The following FSIP2 variants were observed in gnomAD, a reference collection of about 807,000 sequenced individuals.
FSIP2 encodes fibrous sheath-interacting protein 2.
In FSIP2, 367 loss-of-function variants were observed where a neutral mutation model predicts 510.5. The ratio of observed to expected loss-of-function variants is 0.72; its 90% confidence interval spans 0.66 to 0.78. FSIP2 has a LOEUF of 0.78. Ranked by LOEUF, FSIP2 falls within the 30% of genes least tolerant of loss-of-function variation. FSIP2 has a pLI of 0.00. For synonymous variants in FSIP2, 2,601 were observed against 2,732.2 expected (o/e 0.95, Z 1.50); for missense variants, 7,594 against 7,901.7 (o/e 0.96, Z 1.48).
In FSIP2 at chr2:185,806,559, G is replaced by A; in HGVS notation, c.17253G>A (p.Glu5751=). The A allele has an allele frequency of 2.5e-6, 4 of 1,603,638 alleles. No individual in the cohort carries two copies. The highest frequency in any genetic ancestry group is 1.1e-5 in the South Asian group (1 of 88,884). Residue 5751 remains glutamate (E), a synonymous_variant, in exon 17 of 23, where the codon GAG becomes GAA. Coordinates refer to ENST00000424728, the MANE Select transcript of FSIP2 (RefSeq NM_173651.4). The stretch of plus-strand genomic sequence containing the variant: ...CTGCCAAAGAAAAAGAAGAGGAAGA[G>A]AGAGAAAAAGAGAAAGTAAGAGAGG... ...NISAKEKEEE[E]REKEKVREEI... is the part of the protein sequence containing the mutation.
chr2:185,826,890 G>T (rs1354464122), intron 20 of FSIP2, among the ~76,000 whole-genome samples: 1 of 151,700 alleles, frequency 6.6e-6, no homozygotes, highest in Admixed American at 6.6e-5. Flanking sequence ...AAATTCAATG[G>T]AAAGATCAAG....
Position 185,788,662 on chromosome 2 carries a change from A to G in FSIP2, c.1526A>G (p.Asn509Ser), listed in dbSNP as rs1314482656. ...LQEKVTSEELNIIIQNVMTWV... is the reference protein window; with the variant it reads ...LQEKVTSEELSIIIQNVMTWV... ...TTCCAGGTAACTTCTGAAGAACTGA[A>G]TATTATAATTCAGAATGTAATGACC... is the stretch of plus-strand genomic sequence containing the variant. The change falls in exon 16 of 23, where the codon AAT (asparagine) becomes AGT (serine). Residue 509 changes from asparagine (N) to serine (S), a missense_variant. Transcript: ENST00000424728. The G allele has an allele frequency of 2.0e-6, 3 of 1,511,686 alleles. No individual in the cohort carries two copies. Among genetic ancestry groups the G allele is most frequent in the Non-Finnish European group, 8.8e-7 (1 of 1,137,296 alleles). The allele number at this position is 1,511,686 out of a possible 1,614,324, so 93.6% of individuals were successfully genotyped here.
At position 185,800,906 on chromosome 2, in the gene FSIP2, C is replaced by G. The variant is rs1308935344; in HGVS notation, c.11600C>G (p.Pro3867Arg). Residue 3867 changes from proline to arginine, a missense_variant, in exon 17 of 23, where the codon CCT (proline) becomes CGT (arginine). Coordinates refer to ENST00000424728, the MANE Select transcript of FSIP2 (RefSeq NM_173651.4). ...HSIQQAPESL[P>R]FANKHLNYRT... ...ATACAACAAGCTCCGGAAAGTCTACCTTTTGCAAATAAGCATTTGAACTAC... is the reference window on the plus strand; with the variant it reads ...ATACAACAAGCTCCGGAAAGTCTACGTTTTGCAAATAAGCATTTGAACTAC... 2.0e-6 allele frequency: 3 copies of G among 1,532,870 alleles called. No individual in the cohort carries two copies. The East Asian group carries it at 7.3e-5, about 38-fold the overall frequency. 95.0% of individuals were successfully genotyped at this position (1,532,870 alleles called of 1,614,324 possible). A position where few individuals can be genotyped will look rare whatever the true frequency, so the allele number is the denominator to read the frequency against.
intron 13 of FSIP2, among the ~76,000 whole-genome samples, chr2:185,779,607 T>C (rs1342850717): frequency 6.6e-6 from 1 of 152,130 alleles, no homozygotes; most frequent in Non-Finnish European, 1.5e-5. Context: ...CTTTATATCA[T>C]ACTTATTATT....
Position 185,805,172 on chromosome 2 carries a change from G to T in FSIP2, c.15866G>T (p.Cys5289Phe), listed in dbSNP as rs776661478. The T allele has an allele frequency of 1.2e-6, 2 of 1,610,038 alleles. No homozygotes were observed. The highest frequency in any genetic ancestry group is 8.5e-7 in the Non-Finnish European group (1 of 1,177,734). ...DIIIDLVHKF[C>F]SLLIITEDSK... ...ATCATTGACCTTGTTCACAAATTTT[G>T]TTCTCTCCTCATTATTACTGAAGAT... is the stretch of plus-strand genomic sequence containing the variant. The change falls in exon 17 of 23, where the codon TGT becomes TTT. Residue 5289 changes from cysteine to phenylalanine, a missense_variant. Transcript: ENST00000424728.
intron 13 of FSIP2, 84 bp from the exon 14 acceptor site, chr2:185,782,621 A>G: frequency 1.2e-6 from 1 of 823,326 alleles, no homozygotes; most frequent in South Asian, 1.4e-5. Flanking sequence ...GATAACAGAA[A>G]ATAAATACCT....
chr2:185,796,829 T>A lies in FSIP2; in HGVS notation c.9693T>A (p.Thr3231=). ...SEPTKRPDSE[T]MPSCSTRNKV... is the part of the protein sequence containing the mutation. ...CAACGAAAAGGCCTGATTCAGAAAC[T>A]ATGCCATCGTGTTCTACTAGAAACA... The change falls in exon 16 of 23, where the codon ACT becomes ACA. Residue 3231 remains threonine (T), a synonymous_variant. Transcript: ENST00000424728. The A allele has an allele frequency of 6.5e-7, 1 of 1,535,126 alleles. No homozygotes were observed. Among genetic ancestry groups the A allele is most frequent in the Non-Finnish European group, 8.7e-7 (1 of 1,146,284 alleles).
At chr2:185,788,589 A>G (rs1476385843) in intron 15 of FSIP2, 54 bp from the exon 16 acceptor site, 2 of 1,261,098 alleles carry the variant, frequency 1.6e-6, no homozygotes, top group East Asian at 5.2e-5. Context: ...TCTCCAAAAC[A>G]TAGAGTAAGT....
Position 185,795,648 on chromosome 2 carries a change from A to G in FSIP2, c.8512A>G (p.Lys2838Glu), listed in dbSNP as rs1405992797. 6.5e-7 allele frequency: 1 copy of G among 1,534,390 alleles called. No homozygotes were observed. Among genetic ancestry groups the G allele is most frequent in the Admixed American group, 2.0e-5 (1 of 50,846 alleles). Reference protein sequence around the residue: ...EHIFPREGIFKKLFDKWQTES... With the variant: ...EHIFPREGIFEKLFDKWQTES... ...CATTTTTCCTAGAGAAGGTATATTT[A>G]AAAAATTGTTTGACAAGTGGCAAAC... is the stretch of plus-strand genomic sequence containing the variant. Residue 2838 changes from lysine (K) to glutamate (E), a missense_variant, in exon 16 of 23, where the codon AAA becomes GAA. Lys to Glu is a moderately conservative substitution (Grantham distance 56). Transcript: ENST00000424728.
rs1483724759 is a variant in FSIP2, at chr2:185,790,737, T to C, written c.3601T>C (p.Ser1201Pro). The C allele has an allele frequency of 2.9e-5, 45 of 1,533,554 alleles. No homozygotes were observed. The highest frequency in any genetic ancestry group is 3.8e-5 in the Non-Finnish European group (44 of 1,145,256). 95.0% of individuals were successfully genotyped at this position (1,533,554 alleles called of 1,614,324 possible). ...CATTTCATCATCAGTTCATCAGATT[T>C]CCTTACATAATTCTGACACTGAACA... ...SSISSSVHQI[S>P]LHNSDTEHIV... Residue 1201 changes from serine to proline, a missense_variant, in exon 16 of 23, where the codon TCC (serine) becomes CCC (proline). Physicochemically the swap from Ser to Pro is moderately conservative, Grantham distance 74 (BLOSUM62 -1). Transcript: ENST00000424728.
rs940910325 is a variant in FSIP2, at chr2:185,802,934, T to G, written c.13628T>G (p.Leu4543Arg). ...FIYSEDDIQH[L>R]VDSVFANVVQ... ...TATTCAGAAGATGATATTCAGCACC[T>G]TGTTGATTCAGTATTTGCAAATGTT... Residue 4543 changes from leucine (L) to arginine (R), a missense_variant, in exon 17 of 23, where the codon CTT (leucine) becomes CGT (arginine). Physicochemically the swap from Leu to Arg is moderately radical, Grantham distance 102. Transcript: ENST00000424728. 4 of 1,514,532 alleles carry G rather than the reference T, an allele frequency of 2.6e-6. No individual in the cohort carries two copies. The African/African-American group carries it at 5.6e-5, about 21-fold the overall frequency. 93.8% of individuals were successfully genotyped at this position (1,514,532 alleles called of 1,614,324 possible).
At position 185,806,488 on chromosome 2, in the gene FSIP2, T is replaced by C. The variant is rs762548106; in HGVS notation, c.17182T>C (p.Ser5728Pro). The change falls in exon 17 of 23, where the codon TCT (serine) becomes CCT (proline). Residue 5728 changes from serine (S) to proline (P), a missense_variant. By Grantham distance (74) the Ser-to-Pro change is moderately conservative (BLOSUM62 -1). Coordinates refer to ENST00000424728, the MANE Select transcript of FSIP2 (RefSeq NM_173651.4). ...IQEISRDSAQ[S>P]VTTKKVSSST... ...AGAGATTAGCAGGGATTCGGCACAG[T>C]CTGTTACAACAAAAAAAGTATCCTC... 3.5e-5 allele frequency: 57 copies of C among 1,606,748 alleles called. No homozygotes were observed. The highest frequency in any genetic ancestry group is 4.6e-5 in the Non-Finnish European group (54 of 1,177,490).
Position 185,793,843 on chromosome 2 carries a change from A to G in FSIP2, c.6707A>G (p.Glu2236Gly), listed in dbSNP as rs1008176389. 7 of 1,531,960 alleles carry G rather than the reference A, an allele frequency of 4.6e-6. No homozygotes were observed. The Admixed American group carries it at 1.2e-4, about 26-fold the overall frequency. The allele number at this position is 1,531,960 out of a possible 1,614,324, so 94.9% of individuals were successfully genotyped here. A position where few individuals can be genotyped will look rare whatever the true frequency, so the allele number is the denominator to read the frequency against. The change falls in exon 16 of 23, where the codon GAA becomes GGA. Residue 2236 changes from glutamate to glycine, a missense_variant. By Grantham distance (98) the Glu-to-Gly change is moderately conservative. Transcript: ENST00000424728. ...DDNQITVVEKEDTQKSATDSC... is the reference protein window; with the variant it reads ...DDNQITVVEKGDTQKSATDSC... ...AATCAGATAACTGTAGTAGAGAAAG[A>G]AGACACTCAGAAATCTGCTACTGAC...
In FSIP2 at chr2:185,789,573, T is replaced by G. The variant is rs1693069788; in HGVS notation, c.2437T>G (p.Leu813Val). The G allele has an allele frequency of 6.5e-7, 1 of 1,534,896 alleles. No homozygotes were observed. The highest frequency in any genetic ancestry group is 8.7e-7 in the Non-Finnish European group (1 of 1,145,928). ...KPLKNSMPHT[L>V]DPMCDIAEDM... ...TTTGAAAAATTCAATGCCTCATACTTTGGACCCAATGTGTGATATTGCAGA... is the reference window on the plus strand; with the variant it reads ...TTTGAAAAATTCAATGCCTCATACTGTGGACCCAATGTGTGATATTGCAGA... The change falls in exon 16 of 23, where the codon TTG becomes GTG. Residue 813 changes from leucine (L) to valine (V), a missense_variant. Leu to Val is a conservative substitution (Grantham distance 32, BLOSUM62 1). Transcript: ENST00000424728.
chr2:185,738,584 C>T, upstream of FSIP2: 1 of 1,533,648 alleles, frequency 6.5e-7, no homozygotes, highest in African/African-American at 1.4e-5. Context: ...AAAGCTTATA[C>T]GTTTTCGTTA....
intron 1 of FSIP2, 78 bp downstream of exon 1, chr2:185,739,071 C>A: frequency 6.9e-7 from 1 of 1,447,698 alleles, no homozygotes; most frequent in South Asian, 1.4e-5. Flanking sequence ...GATCGCCACA[C>A]ACGGGTCGCG....
intron 2 of FSIP2, among the ~76,000 whole-genome samples, chr2:185,741,575 CTTA>C (rs1691923154): frequency 1.3e-5 from 2 of 152,256 alleles, no homozygotes; most frequent in Non-Finnish European, 2.9e-5. Flanking sequence ...TACTCCTTGA[CTTA>C]TTATTATTGA....
intron 7 of FSIP2, among the ~76,000 whole-genome samples, chr2:185,751,634 T>A (rs1692150575): frequency 6.6e-6 from 1 of 151,398 alleles, no homozygotes; most frequent in Admixed American, 6.6e-5. Flanking sequence ...ATTATTTTTT[T>A]ATTTGTCTCA....
intron 13 of FSIP2, among the ~76,000 whole-genome samples, chr2:185,770,113 C>T (rs1181126786): frequency 6.6e-6 from 1 of 152,028 alleles, no homozygotes; most frequent in East Asian, 1.9e-4. Flanking sequence ...GTGAAGAATG[C>T]CATTGGTAGT....
Sources: allele counts gnomAD v4.1 joint callset (sites outside exome capture counted in the v4.1 genomes callset), GRCh38; gene constraint gnomAD v4.1.1; transcripts MANE v1.5; gene names NCBI Gene and HGNC (gene_info 2026-07-23, HGNC 2026-07-21).